Variants in FHIT observed in about 807,000 individuals in gnomAD.
FHIT encodes bis(5'-adenosyl)-triphosphatase.
A neutral mutation model predicts 17.9 loss-of-function variants in FHIT; 19 were observed. The ratio of observed to expected loss-of-function variants is 1.06; its 90% CI spans 0.74 to 1.56. The LOEUF is 1.56. FHIT is among the 40% of genes most tolerant of loss of function. The pLI, the probability that FHIT is intolerant of heterozygous loss-of-function variation, is 0.00. For synonymous variants in FHIT, 81 were observed against 69.7 expected, an observed-to-expected ratio of 1.16 and a Z score of -0.81; for missense variants, 248 against 189.2, an observed-to-expected ratio of 1.31 and a Z score of -1.82.
chr3:59,800,587 G>A (rs1037090094), intron 8 of FHIT, among the ~76,000 whole-genome samples: 5 of 152,176 alleles, frequency 3.3e-5, no homozygotes, highest in African/African-American at 1.2e-4. Context: ...AAGGACCACC[G>A]TCTAACAGCT....
At chr3:61,049,691 A>G (rs2033953646) in intron 2 of FHIT, among the ~76,000 whole-genome samples, 1 of 152,136 alleles carries the variant, frequency 6.6e-6, no homozygotes, top group South Asian at 2.1e-4. Context: ...ACTAAATACC[A>G]GGTTATAGTG....
At chr3:60,373,395 G>T (rs1163145538) in intron 5 of FHIT, among the ~76,000 whole-genome samples, 1 of 152,190 alleles carries the variant, frequency 6.6e-6, no homozygotes, top group African/African-American at 2.4e-5. Flanking sequence ...TGCCACATTT[G>T]AGATGAGAGC....
intron 5 of FHIT, among the ~76,000 whole-genome samples, chr3:60,075,740 C>A (rs1576039638): frequency 1.3e-5 from 2 of 152,108 alleles, no homozygotes; most frequent in Admixed American, 6.6e-5. Flanking sequence ...TAATACATGG[C>A]CATCAATTAT....
chr3:60,441,181 G>A (rs2030765131), intron 5 of FHIT, among the ~76,000 whole-genome samples: 1 of 151,980 alleles, frequency 6.6e-6, no homozygotes, highest in South Asian at 2.1e-4. Context: ...ACACAGAAGG[G>A]ACCTAATTCT....
intron 5 of FHIT, among the ~76,000 whole-genome samples, chr3:60,223,989 T>C (rs370145988): frequency 7.2e-5 from 11 of 152,284 alleles, no homozygotes; most frequent in Middle Eastern, 3.4e-3. Flanking sequence ...TGAACTCTAG[T>C]AGCTTTGAAA....
intron 8 of FHIT, among the ~76,000 whole-genome samples, chr3:59,882,360 A>G (rs1356453364): frequency 6.6e-6 from 1 of 151,982 alleles, no homozygotes; most frequent in Non-Finnish European, 1.5e-5. Flanking sequence ...TGGATTAAGG[A>G]AAAAAAATAT....
intron 5 of FHIT, among the ~76,000 whole-genome samples, chr3:60,384,743 G>A (rs1220256583): frequency 6.6e-6 from 1 of 150,724 alleles, no homozygotes; most frequent in African/African-American, 2.4e-5. Context: ...CCAGCACTTT[G>A]AATCATAGTA....
At chr3:60,651,937 T>C (rs1577028548) in intron 4 of FHIT, among the ~76,000 whole-genome samples, 1 of 152,112 alleles carries the variant, frequency 6.6e-6, no homozygotes, top group South Asian at 2.1e-4. Flanking sequence ...ACTAAAGAAA[T>C]GCAAAAGTGC....
chr3:60,956,244 A>G (rs1709151978), intron 3 of FHIT, among the ~76,000 whole-genome samples: 1 of 152,220 alleles, frequency 6.6e-6, no homozygotes, highest in Admixed American at 6.5e-5. Context: ...TTAGTTATAA[A>G]AAACAAAACC....
At chr3:60,412,383 A>G (rs754790064) in intron 5 of FHIT, among the ~76,000 whole-genome samples, 1 of 152,098 alleles carries the variant, frequency 6.6e-6, no homozygotes, top group Non-Finnish European at 1.5e-5. Context: ...AAATAAGACC[A>G]GTTTCACATT....
At position 60,098,063 on chromosome 3, in the gene FHIT, G is replaced by A. The variant is rs1576093833; in HGVS notation, c.104-83911C>T. 1.1e-4 allele frequency among the ~76,000 whole-genome samples: 17 copies of A among 151,498 alleles called. No individual in the cohort carries two copies. The South Asian group carries it at 3.4e-3, about 30-fold the overall frequency. On this transcript the variant is annotated intron_variant, in intron 5 of 9. Coordinates refer to ENST00000492590, the MANE Select transcript of FHIT (RefSeq NM_002012.4). ...CATGAACTGATTATTTTTTATGGCT[G>A]CATAGTATTCCATGGTGTATATGTG...
At chr3:60,124,009 T>G (rs6765281) in intron 5 of FHIT, among the ~76,000 whole-genome samples, 4,007 of 11,864 alleles carry the variant, frequency 0.34, 773 homozygotes, top group Non-Finnish European at 0.38. Context: ...TATATATATA[T>G]AGAGAGAGAG....
At chr3:60,307,242 A>G (rs749318852) in intron 5 of FHIT, among the ~76,000 whole-genome samples, 2 of 152,162 alleles carry the variant, frequency 1.3e-5, no homozygotes, top group Non-Finnish European at 2.9e-5. Flanking sequence ...TAACATCTAC[A>G]GAGAAGTCTT....
At chr3:60,495,324 A>G (rs996067407) in intron 5 of FHIT, among the ~76,000 whole-genome samples, 1 of 152,170 alleles carries the variant, frequency 6.6e-6, no homozygotes, top group Non-Finnish European at 1.5e-5. Flanking sequence ...ACATTCTCTA[A>G]TTCTTCTTTA....
In FHIT at chr3:61,171,681, C is replaced by G. The variant is rs28660311; in HGVS notation, c.-164+28936G>C. Among the ~76,000 whole-genome samples the G allele has an allele frequency of 2.4e-3, 370 of 152,316 alleles. 4 individuals carry two copies. The highest frequency in any genetic ancestry group is 7.5e-3 in the African/African-American group (311 of 41,562). The stretch of plus-strand genomic sequence containing the variant: ...GGGTATTTGTGAAATCTAAACATCA[C>G]CACTCACTACATTAAAATGAAATGG... On this transcript the variant is annotated intron_variant, in intron 2 of 9. Coordinates refer to ENST00000492590, the MANE Select transcript of FHIT (RefSeq NM_002012.4).
chr3:60,030,251 C>T (rs574704043), intron 5 of FHIT, among the ~76,000 whole-genome samples: 15 of 152,132 alleles, frequency 9.9e-5, no homozygotes, highest in Admixed American at 2.6e-4. Context: ...ATGGATAATG[C>T]GCAACAAGCA....
chr3:60,624,553 CCAAAAGTAAAATATT>C (rs2039227791), intron 4 of FHIT, among the ~76,000 whole-genome samples: 2 of 151,886 alleles, frequency 1.3e-5, no homozygotes, highest in African/African-American at 2.4e-5. Flanking sequence ...GACAATGATT[CCAAAAGTAAAATATT>C]CAAGAAGGGT....
intron 5 of FHIT, among the ~76,000 whole-genome samples, chr3:60,155,616 C>A (rs952594707): frequency 1.3e-5 from 2 of 152,146 alleles, no homozygotes; most frequent in Admixed American, 1.3e-4. Flanking sequence ...CAAGGCTGGG[C>A]CATCAAATAC....
intron 5 of FHIT, among the ~76,000 whole-genome samples, chr3:60,443,336 T>C (rs200257639): frequency 6.6e-6 from 1 of 152,194 alleles, no homozygotes. Context: ...AGAGAGGACA[T>C]CTCTGTCTTG....
Sources: allele counts gnomAD v4.1 joint callset (sites outside exome capture counted in the v4.1 genomes callset), GRCh38; gene constraint gnomAD v4.1.1; transcripts MANE v1.5; gene names NCBI Gene and HGNC (gene_info 2026-07-23, HGNC 2026-07-21).